The following NCAM2 variants were observed in gnomAD, a reference collection of about 807,000 sequenced individuals.
NCAM2 encodes the protein neural cell adhesion molecule 2.
Under a neutral mutation model 98.1 loss-of-function variants are expected in NCAM2, and 30 were observed. That is an observed-to-expected ratio of 0.31 (90% CI 0.23 to 0.41). The LOEUF (loss-of-function observed/expected upper bound fraction) is 0.41, where lower values mean the gene tolerates loss of function less well. NCAM2 is among the 10% of genes least tolerant of loss of function. The pLI, the probability that NCAM2 is intolerant of heterozygous loss-of-function variation, is 1.00. For synonymous variants in NCAM2, 368 were observed against 342.4 expected (o/e 1.07, Z -0.83); for missense variants, 867 against 1,005.8 (o/e 0.86, Z 1.87).
chr21:21,074,625 G>C (rs1387727495), intron 1 of NCAM2, among the ~76,000 whole-genome samples: 1 of 152,150 alleles, frequency 6.6e-6, no homozygotes, highest in Admixed American at 6.6e-5. Flanking sequence ...TGGGAGTCGG[G>C]TTTGGCAGGT....
At chr21:21,099,915 T>C (rs1248122337) in intron 1 of NCAM2, among the ~76,000 whole-genome samples, 2 of 149,992 alleles carry the variant, frequency 1.3e-5, no homozygotes, top group African/African-American at 5.1e-5. Flanking sequence ...TTTTACTTTT[T>C]TAACTTTTGC....
intron 15 of NCAM2, among the ~76,000 whole-genome samples, chr21:21,486,303 C>CAA (rs67182493): frequency 0.49 from 25,660 of 51,948 alleles, 7,021 homozygotes; most frequent in Middle Eastern, 0.57. Context: ...GACTCCGTCT[C>CAA]AAAAAAAAAA....
At chr21:21,327,074 C>A (rs1296093041) in intron 6 of NCAM2, among the ~76,000 whole-genome samples, 1 of 152,112 alleles carries the variant, frequency 6.6e-6, no homozygotes, top group Non-Finnish European at 1.5e-5. Flanking sequence ...AATAGGAATT[C>A]CTTGATCTCT....
intron 12 of NCAM2, among the ~76,000 whole-genome samples, chr21:21,443,133 G>A (rs543661738): frequency 6.6e-6 from 1 of 152,258 alleles, no homozygotes; most frequent in East Asian, 1.9e-4. Flanking sequence ...GCAGGGACAT[G>A]GATGAAGCTG....
intron 8 of NCAM2, among the ~76,000 whole-genome samples, chr21:21,355,302 G>C (rs999570593): frequency 6.6e-6 from 1 of 151,300 alleles, no homozygotes; most frequent in Non-Finnish European, 1.5e-5. Context: ...GAGCCTGGTG[G>C]TGTGCACCTG....
At chr21:21,207,003 C>T (rs2069460984) in intron 1 of NCAM2, among the ~76,000 whole-genome samples, 1 of 152,054 alleles carries the variant, frequency 6.6e-6, no homozygotes, top group African/African-American at 2.4e-5. Flanking sequence ...AGTATCTCAA[C>T]AAGCCAAAAC....
intron 1 of NCAM2, among the ~76,000 whole-genome samples, chr21:21,269,703 C>G (rs2072422237): frequency 6.6e-6 from 1 of 152,082 alleles, no homozygotes. Context: ...ATAAGTCTCT[C>G]ATTTTAGTGC....
At chr21:21,111,263 A>G (rs185559266) in intron 1 of NCAM2, among the ~76,000 whole-genome samples, 14 of 152,304 alleles carry the variant, frequency 9.2e-5, no homozygotes, top group African/African-American at 3.4e-4. Flanking sequence ...TGCTATTCAT[A>G]CGTTACTTCT....
chr21:21,367,326 A>G (rs971925377), intron 8 of NCAM2, among the ~76,000 whole-genome samples: 4 of 151,950 alleles, frequency 2.6e-5, no homozygotes, highest in Non-Finnish European at 5.9e-5. Context: ...TATATTCACC[A>G]TCATCCTGAT....
At chr21:21,003,205 A>C (rs1435511496) in intron 1 of NCAM2, among the ~76,000 whole-genome samples, 2 of 152,184 alleles carry the variant, frequency 1.3e-5, no homozygotes, top group Non-Finnish European at 2.9e-5. Flanking sequence ...GAAAGCTGTG[A>C]AGTAATGAAA....
chr21:21,373,966 C>T lies in NCAM2; in HGVS notation c.1148C>T (p.Ala383Val), dbSNP rs2075976890. Residue 383 changes from alanine (A) to valine (V), a missense_variant, in exon 9 of 18, where the codon GCA becomes GTA. By Grantham distance (64) the Ala-to-Val change is moderately conservative (BLOSUM62 0). Transcript: ENST00000400546. ...TCAGGGAGATATGACTGTGAAGCTGCAAGCAGAATTGGAGGGCATCAAAAG... is the reference window on the plus strand; with the variant it reads ...TCAGGGAGATATGACTGTGAAGCTGTAAGCAGAATTGGAGGGCATCAAAAG... ...SDSGRYDCEAASRIGGHQKSM... is the reference protein window; with the variant it reads ...SDSGRYDCEAVSRIGGHQKSM... 6.2e-7 allele frequency: 1 copy of T among 1,610,906 alleles called. No homozygotes were observed. Among genetic ancestry groups the T allele is most frequent in the African/African-American group, 1.3e-5 (1 of 74,680 alleles).
chr21:21,424,589 T>G (rs1402802881), intron 11 of NCAM2, among the ~76,000 whole-genome samples: 2 of 152,146 alleles, frequency 1.3e-5, no homozygotes, highest in African/African-American at 4.8e-5. Context: ...AAGGTTACAC[T>G]TGTACATAGG....
intron 11 of NCAM2, among the ~76,000 whole-genome samples, chr21:21,427,701 C>T (rs150615585): frequency 1.3e-5 from 2 of 152,284 alleles, no homozygotes; most frequent in East Asian, 1.9e-4. Flanking sequence ...AGATTGTATC[C>T]ATCTGACTCC....
chr21:21,064,463 G>A (rs1417181925), intron 1 of NCAM2, among the ~76,000 whole-genome samples: 1 of 152,094 alleles, frequency 6.6e-6, no homozygotes, highest in Non-Finnish European at 1.5e-5. Context: ...TTGATGTCTT[G>A]CTGAGGTCCC....
chr21:21,391,972 A>G (rs1290924852), intron 9 of NCAM2, among the ~76,000 whole-genome samples: 2 of 152,184 alleles, frequency 1.3e-5, no homozygotes, highest in East Asian at 3.9e-4. Flanking sequence ...CAGGGGTACA[A>G]GTACTGGTTT....
chr21:21,307,209 TTTC>T (rs1190973620), intron 5 of NCAM2, among the ~76,000 whole-genome samples: 2 of 152,146 alleles, frequency 1.3e-5, no homozygotes, highest in African/African-American at 4.8e-5. Context: ...TTTTCTTCTG[TTTC>T]TTCATTTTTG....
At chr21:21,252,891 T>A (rs73318613) in intron 1 of NCAM2, among the ~76,000 whole-genome samples, 1,883 of 152,266 alleles carry the variant, frequency 0.012, 49 homozygotes, top group African/African-American at 0.044. Flanking sequence ...ATGTCTCACA[T>A]ATATATTGAT....
At chr21:21,092,571 T>C (rs2146453039) in intron 1 of NCAM2, among the ~76,000 whole-genome samples, 1 of 152,048 alleles carries the variant, frequency 6.6e-6, no homozygotes, top group Middle Eastern at 3.4e-3. Context: ...CACAAGTGAG[T>C]TACATTTTTC....
At chr21:21,346,367 G>A (rs1015282443) in intron 8 of NCAM2, among the ~76,000 whole-genome samples, 12 of 151,952 alleles carry the variant, frequency 7.9e-5, no homozygotes, top group African/African-American at 2.9e-4. Context: ...ACCCAACATG[G>A]GAGAACCCAG....
Sources: gnomAD v4.1 joint callset for allele counts (sites outside exome capture counted in the v4.1 genomes callset) on GRCh38, gnomAD v4.1.1 for gene constraint, MANE v1.5 for transcripts, NCBI Gene and HGNC (gene_info 2026-07-23, HGNC 2026-07-21) for gene names.